The following ARL13A variants were observed in gnomAD, a reference collection of about 807,000 sequenced individuals.
ARL13A encodes the protein ADP-ribosylation factor-like protein 13A.
In ARL13A, 16 loss-of-function variants were observed where a neutral mutation model predicts 19.1. That is an observed-to-expected ratio of 0.84 (90% CI 0.57 to 1.27). ARL13A has a LOEUF of 1.27. Ranked by LOEUF, ARL13A falls within the 50% of genes most tolerant of loss-of-function variation. ARL13A has a pLI of 0.00. For synonymous variants in ARL13A, 69 were observed against 71.3 expected (o/e 0.97, Z 0.17); for missense variants, 153 against 186.4 (o/e 0.82, Z 1.04).
Position 100,989,221 on chromosome X carries a change from T to C in ARL13A, c.744+938T>C, listed in dbSNP as rs182553862. ...GTATAGCACGATACATATACAGATA[T>C]AGAAATACCTGGAGGAATATCACTG... On this transcript the variant is annotated intron_variant, in intron 7 of 7. Coordinates refer to ENST00000450049, the MANE Select transcript of ARL13A (RefSeq NM_001162491.2). Among the ~76,000 whole-genome samples the C allele has an allele frequency of 1.8e-3, 199 of 111,550 alleles. 1 individual carries two copies. The highest frequency in any genetic ancestry group is 6.0e-3 in the African/African-American group (185 of 30,773).
In ARL13A at chrX:100,986,864, A is replaced by G; in HGVS notation, c.449A>G (p.Lys150Arg). The G allele has an allele frequency of 8.3e-7, 1 of 1,204,407 alleles. No individual in the cohort carries two copies. Among genetic ancestry groups the G allele is most frequent in the South Asian group, 1.8e-5 (1 of 55,622 alleles). ...GATATTATTGACTATCTACTTCTAA[A>G]GAAGCTAGTGAAAGAGAATAAGTGC... The part of the protein sequence containing the change: ...PCDIIDYLLL[K>R]KLVKENKCPC... Residue 150 changes from lysine (K) to arginine (R), a missense_variant, in exon 5 of 8, where the codon AAG (lysine) becomes AGG (arginine). By Grantham distance (26) the Lys-to-Arg change is conservative. Coordinates refer to ENST00000450049, the MANE Select transcript of ARL13A (RefSeq NM_001162491.2).
intron 3 of ARL13A, among the ~76,000 whole-genome samples, chrX:100,976,118 G>A (rs1325596479): frequency 3.6e-5 from 4 of 109,941 alleles, no homozygotes; most frequent in Non-Finnish European, 5.7e-5. Context: ...AAATCCAGGA[G>A]CCAGCAAAAA....
intron 3 of ARL13A, among the ~76,000 whole-genome samples, chrX:100,977,430 G>C (rs1467875336): frequency 1.0e-5 from 1 of 100,208 alleles, no homozygotes; most frequent in Non-Finnish European, 2.0e-5. Context: ...GCTCAGGCTG[G>C]AGTGCAGTGG....
intron 3 of ARL13A, among the ~76,000 whole-genome samples, chrX:100,976,368 A>G (rs1410115541): frequency 2.7e-5 from 3 of 110,644 alleles, no homozygotes; most frequent in African/African-American, 9.9e-5. Flanking sequence ...GAGTCTATTT[A>G]TTTTGTTACT....
chrX:100,986,890 C>T lies in ARL13A; in HGVS notation c.475C>T (p.Pro159Ser), dbSNP rs150979300. Residue 159 changes from proline to serine, a missense_variant, in exon 5 of 8, where the codon CCA (proline) becomes TCA (serine). Transcript: ENST00000450049. ...LKKLVKENKC[P>S]CRVEPCSAIR... ...GAAGCTAGTGAAAGAGAATAAGTGC[C>T]CATGCCGAGTAGTAAGTGTCAACCT... 17 of 1,180,337 alleles carry T rather than the reference C, an allele frequency of 1.4e-5. No individual in the cohort carries two copies. The highest frequency in any genetic ancestry group is 2.3e-4 in the Middle Eastern group (1 of 4,268).
At chrX:100,986,008 C>A in intron 4 of ARL13A, 92 bp downstream of exon 4, 1 of 1,029,264 alleles carries the variant, frequency 9.7e-7, no homozygotes, top group South Asian at 2.4e-5. Flanking sequence ...TTTGTCACAC[C>A]CAGCTAGGCC....
rs961976763 is a variant in ARL13A, at chrX:100,974,059, A to G, written c.60-68A>G. The stretch of plus-strand genomic sequence containing the variant: ...AGTCCCAAACAATAAGGAAGAGTAT[A>G]ACTCTCTGTTTAGCCTAAAACCTAC... On this transcript the variant is annotated intron_variant, in intron 2 of 7. Coordinates refer to ENST00000450049, the MANE Select transcript of ARL13A (RefSeq NM_001162491.2). 12 of 869,761 alleles carry G rather than the reference A, an allele frequency of 1.4e-5. No homozygotes were observed. In the South Asian group the frequency reaches 2.2e-4, roughly 16 times the overall value. The allele number at this position is 869,761 out of a possible 1,213,427, so 71.7% of individuals were successfully genotyped here.
chrX:100,986,566 G>A, intron 4 of ARL13A, among the ~76,000 whole-genome samples: 1 of 112,015 alleles, frequency 8.9e-6, no homozygotes, highest in Non-Finnish European at 1.9e-5. Context: ...ATGAGCCCTG[G>A]GGGGACTATC....
intron 3 of ARL13A, among the ~76,000 whole-genome samples, chrX:100,978,624 GT>G (rs779059213): frequency 2.7e-4 from 28 of 102,654 alleles, no homozygotes; most frequent in South Asian, 8.5e-4. Flanking sequence ...CAGATCATGT[GT>G]TTTTTTTTTT....
intron 3 of ARL13A, 138 bp downstream of exon 3, chrX:100,974,335 A>ACG: frequency 2.2e-6 from 1 of 457,106 alleles, no homozygotes; most frequent in Non-Finnish European, 3.9e-6. Context: ...CCTAACACAC[A>ACG]CGCACACACA....
chrX:100,986,340 T>A (rs1337991034), intron 4 of ARL13A, among the ~76,000 whole-genome samples: 2 of 111,706 alleles, frequency 1.8e-5, no homozygotes, highest in African/African-American at 6.5e-5. Context: ...GCTCAAAAGT[T>A]ACATAACTAG....
rs79178841 is a variant in ARL13A, at chrX:100,982,666, G to C, written c.131-3001G>C. On this transcript the variant is annotated intron_variant, in intron 3 of 7. Coordinates refer to ENST00000450049, the MANE Select transcript of ARL13A (RefSeq NM_001162491.2). ...ACAGTTTTCTTTTTTTTTTTTTTTTGAGACAGAGTCTCACTCTGTCACCCC... is the reference window on the plus strand; with the variant it reads ...ACAGTTTTCTTTTTTTTTTTTTTTTCAGACAGAGTCTCACTCTGTCACCCC... Among the ~76,000 whole-genome samples the C allele has an allele frequency of 2.4e-4, 9 of 37,720 alleles. No individual in the cohort carries two copies. The South Asian group carries it at 0.01, about 44-fold the overall frequency. The allele number at this position is 37,720 out of a possible 115,157, so 32.8% of individuals were successfully genotyped here. A position where few individuals can be genotyped will look rare whatever the true frequency, so the allele number is the denominator to read the frequency against.
intron 1 of ARL13A, among the ~76,000 whole-genome samples, chrX:100,972,169 T>C (rs1422269221): frequency 2.4e-5 from 2 of 82,854 alleles, no homozygotes. Context: ...TTCTCAATCT[T>C]TTCCCCACCT....
chrX:100,971,074 A>G (rs1444351015), intron 1 of ARL13A, among the ~76,000 whole-genome samples: 1 of 109,347 alleles, frequency 9.1e-6, no homozygotes, highest in African/African-American at 3.3e-5. Flanking sequence ...TCCACTTTCC[A>G]AGGATGAACC....
chrX:100,979,229 C>G (rs1157868474), intron 3 of ARL13A, among the ~76,000 whole-genome samples: 1 of 111,491 alleles, frequency 9.0e-6, no homozygotes, highest in Non-Finnish European at 1.9e-5. Context: ...GGGTTTTATA[C>G]CTTCAGGTGA....
chrX:100,986,925 C>T, intron 5 of ARL13A, 24 bp downstream of exon 5: 10 of 1,065,731 alleles, frequency 9.4e-6, no homozygotes, highest in Non-Finnish European at 1.2e-5. Flanking sequence ...TCTTCCTTCC[C>T]TCTTCCTCTG....
intron 7 of ARL13A, 48 bp from the exon 8 acceptor site, chrX:100,990,514 T>C: frequency 1.0e-5 from 11 of 1,093,723 alleles, no homozygotes; most frequent in Non-Finnish European, 1.3e-5. Flanking sequence ...CCTACTCTAA[T>C]ATCACATCCC....
intron 7 of ARL13A, among the ~76,000 whole-genome samples, chrX:100,989,833 G>A (rs2085995071): frequency 8.9e-6 from 1 of 111,967 alleles, no homozygotes; most frequent in Non-Finnish European, 1.9e-5. Context: ...TGGAGCTTTG[G>A]GTTGTCACAC....
At chrX:100,977,712 A>G (rs753106215) in intron 3 of ARL13A, among the ~76,000 whole-genome samples, 1 of 111,832 alleles carries the variant, frequency 8.9e-6, no homozygotes, top group Non-Finnish European at 1.9e-5. Flanking sequence ...CCATGAGTTC[A>G]ATTATTTTAC....
Sources: allele counts gnomAD v4.1 joint callset (sites outside exome capture counted in the v4.1 genomes callset), GRCh38; gene constraint gnomAD v4.1.1; transcripts MANE v1.5; gene names NCBI Gene and HGNC (gene_info 2026-07-23, HGNC 2026-07-21).